Variants in FGD6 observed in about 807,000 individuals in gnomAD.
The protein encoded by FGD6 is FYVE, RhoGEF and PH domain-containing protein 6.
In FGD6, 90 loss-of-function variants were observed where a neutral mutation model predicts 149.4. That is an observed-to-expected ratio of 0.60 (90% CI 0.51 to 0.72). The LOEUF is 0.72. Among genes scored for constraint, FGD6 ranks in the 30% least tolerant of loss-of-function variants. The pLI is 0.00. For missense variants in FGD6, 1,437 were observed against 1,684.8 expected, an observed-to-expected ratio of 0.85 and a Z score of 2.57; for synonymous variants, 527 against 584.0, an observed-to-expected ratio of 0.90 and a Z score of 1.41.
At chr12:95,129,291 G>GCATCCATGCATGCATGCATGCATCCATC (rs1879442710) in intron 8 of FGD6, among the ~76,000 whole-genome samples, 1 of 142,268 alleles carries the variant, frequency 7.0e-6, no homozygotes, top group African/African-American at 2.7e-5. Context: ...ATGCATCCAT[G>GCATCCATGCATGCATGCATGCATCCATC]CATCCATGCA....
chr12:95,093,091 G>A (rs1356680201), intron 15 of FGD6, among the ~76,000 whole-genome samples: 1 of 152,026 alleles, frequency 6.6e-6, no homozygotes, highest in Non-Finnish European at 1.5e-5. Context: ...TGTGGTGGCG[G>A]GTGCCTGTGA....
intron 9 of FGD6, 100 bp from the exon 10 acceptor site, chr12:95,108,661 G>T: frequency 1.5e-6 from 2 of 1,327,950 alleles, no homozygotes; most frequent in Non-Finnish European, 2.1e-6. Context: ...CTAGTTTATA[G>T]CAACCAACCT....
chr12:95,199,105 T>C (rs1881800694), intron 2 of FGD6, among the ~76,000 whole-genome samples: 1 of 152,194 alleles, frequency 6.6e-6, no homozygotes, highest in Non-Finnish European at 1.5e-5. Context: ...CTAAGATCAC[T>C]TTCGTCTTCT....
rs149076340 is a variant in FGD6, at chr12:95,209,606, G to A, written c.1678C>T (p.Arg560Trp). 2.5e-5 allele frequency: 41 copies of A among 1,613,938 alleles called. No homozygotes were observed. The East Asian group carries it at 5.8e-4, about 23-fold the overall frequency. Residue 560 changes from arginine to tryptophan, a missense_variant, in exon 2 of 21, where the codon CGG (arginine) becomes TGG (tryptophan). Around this residue, in one of 2 missense-constraint regions of FGD6, gnomAD observed 1,055 missense variants for 1,146.0 expected, o/e 0.92. Coordinates refer to ENST00000343958, the MANE Select transcript of FGD6 (RefSeq NM_018351.4). Reference protein sequence around the residue: ...GVSSSFDMPKRASEKPVWKLP... With the variant: ...GVSSSFDMPKWASEKPVWKLP... ...TTCCACACTGGCTTTTCTGAAGCCC[G>A]TTTAGGCATATCAAAGGAGGATGAC... is the stretch of plus-strand genomic sequence containing the variant.
At chr12:95,144,563 T>G (rs912175301) in intron 5 of FGD6, among the ~76,000 whole-genome samples, 1 of 151,952 alleles carries the variant, frequency 6.6e-6, no homozygotes, top group Non-Finnish European at 1.5e-5. Context: ...TGGCTAATTT[T>G]GTATTTTTAG....
At chr12:95,151,801 G>C (rs924890533) in intron 5 of FGD6, among the ~76,000 whole-genome samples, 4 of 152,072 alleles carry the variant, frequency 2.6e-5, no homozygotes, top group African/African-American at 9.7e-5. Context: ...TAAGTAAACT[G>C]TCACTTCAAC....
At chr12:95,197,948 G>C (rs1387314640) in intron 2 of FGD6, among the ~76,000 whole-genome samples, 1 of 152,076 alleles carries the variant, frequency 6.6e-6, no homozygotes, top group African/African-American at 2.4e-5. Flanking sequence ...CTAACCACAA[G>C]AGCTTTCCAA....
At chr12:95,201,787 T>C (rs1268532473) in intron 2 of FGD6, among the ~76,000 whole-genome samples, 1 of 152,160 alleles carries the variant, frequency 6.6e-6, no homozygotes, top group Non-Finnish European at 1.5e-5. Context: ...AAAATAATCA[T>C]ATCCTTGGCT....
At chr12:95,214,332 G>C (rs1196354884) in intron 1 of FGD6, among the ~76,000 whole-genome samples, 1 of 152,072 alleles carries the variant, frequency 6.6e-6, no homozygotes, top group African/African-American at 2.4e-5. Flanking sequence ...AAGTTAGCAG[G>C]AATCAATTTC....
chr12:95,187,653 A>C (rs866259165), intron 2 of FGD6, among the ~76,000 whole-genome samples: 2,514 of 138,142 alleles, frequency 0.018, 46 homozygotes, highest in African/African-American at 0.057. Flanking sequence ...CTGCGTCCCC[A>C]AAAAAAAAAC....
intron 2 of FGD6, among the ~76,000 whole-genome samples, chr12:95,184,271 C>T (rs1881364207): frequency 6.6e-6 from 1 of 152,118 alleles, no homozygotes; most frequent in South Asian, 2.1e-4. Context: ...CTGGGATTTC[C>T]CACTAACATG....
intron 16 of FGD6, among the ~76,000 whole-genome samples, chr12:95,092,133 CAGCACTGTCAT>C (rs1201390274): frequency 6.6e-6 from 1 of 152,162 alleles, no homozygotes; most frequent in Non-Finnish European, 1.5e-5. Context: ...TACTGATCAC[CAGCACTGTCAT>C]CATCATAATC....
At chr12:95,133,215 T>G (rs903817996) in intron 8 of FGD6, among the ~76,000 whole-genome samples, 3 of 152,104 alleles carry the variant, frequency 2.0e-5, no homozygotes, top group Admixed American at 1.3e-4. Flanking sequence ...GTCAGGAGTT[T>G]GAGACCAACC....
chr12:95,196,525 T>C (rs1454573107), intron 2 of FGD6, among the ~76,000 whole-genome samples: 1 of 151,470 alleles, frequency 6.6e-6, no homozygotes, highest in African/African-American at 2.4e-5. Context: ...CCACTGCACC[T>C]GGTCAGAAGG....
intron 13 of FGD6, among the ~76,000 whole-genome samples, chr12:95,105,540 C>T (rs776953104): frequency 5.9e-5 from 9 of 152,160 alleles, no homozygotes; most frequent in Non-Finnish European, 1.2e-4. Flanking sequence ...TAGGTATTTA[C>T]GTGTAGTGTA....
chr12:95,094,466 G>T (rs1260108521), intron 15 of FGD6, 126 bp downstream of exon 15: 1 of 638,038 alleles, frequency 1.6e-6, no homozygotes, highest in African/African-American at 1.8e-5. Flanking sequence ...AATCTGTAGA[G>T]TAACTCTCTG....
At chr12:95,097,546 G>A (rs1363413810) in intron 14 of FGD6, among the ~76,000 whole-genome samples, 2 of 142,298 alleles carry the variant, frequency 1.4e-5, no homozygotes, top group African/African-American at 2.6e-5. Flanking sequence ...TGAGGCAGGA[G>A]AATCACCTGA....
intron 5 of FGD6, among the ~76,000 whole-genome samples, chr12:95,149,454 G>T (rs112248425): frequency 8.0e-6 from 1 of 124,662 alleles, no homozygotes; most frequent in East Asian, 2.2e-4. Context: ...ATAATACATA[G>T]TATATTATAC....
At chr12:95,195,756 G>C (rs1881721086) in intron 2 of FGD6, among the ~76,000 whole-genome samples, 1 of 101,052 alleles carries the variant, frequency 9.9e-6, no homozygotes, top group East Asian at 2.8e-4. Context: ...GGTTGCCAGG[G>C]GTTGACGGGA....
Sources: allele counts gnomAD v4.1 joint callset (sites outside exome capture counted in the v4.1 genomes callset), GRCh38; gene constraint gnomAD v4.1.1; regional missense constraint gnomAD v4.1.1; transcripts MANE v1.5; gene names NCBI Gene and HGNC (gene_info 2026-07-23, HGNC 2026-07-21).